The following GPC5 variants were observed in gnomAD, a reference collection of about 807,000 sequenced individuals.
GPC5 encodes the protein glypican-5.
In GPC5, 47 loss-of-function variants were observed where a neutral mutation model predicts 53.9. The ratio of observed to expected loss-of-function variants is 0.87; its 90% CI spans 0.69 to 1.11. The LOEUF (loss-of-function observed/expected upper bound fraction) is 1.11. Among genes scored for constraint, GPC5 ranks in the 50% most tolerant of loss-of-function variants. The probability of loss-of-function intolerance (pLI) is 0.00; values close to 1 mark genes in which losing one functional copy is unlikely to be tolerated. For synonymous variants in GPC5, 286 were observed against 263.3 expected (o/e 1.09, Z -0.84); for missense variants, 748 against 713.1 (o/e 1.05, Z -0.56).
At chr13:91,629,071 T>C (rs1249432210) in intron 2 of GPC5, among the ~76,000 whole-genome samples, 1 of 152,174 alleles carries the variant, frequency 6.6e-6, no homozygotes, top group Non-Finnish European at 1.5e-5. Context: ...TTCTGCCACA[T>C]GGAAGGAGCT....
At chr13:91,445,010 A>G (rs1880686543) in intron 1 of GPC5, among the ~76,000 whole-genome samples, 1 of 152,188 alleles carries the variant, frequency 6.6e-6, no homozygotes, top group Non-Finnish European at 1.5e-5. Flanking sequence ...CATCTTAACT[A>G]AGGACTTACG....
At chr13:91,680,425 G>C (rs907640207) in intron 2 of GPC5, among the ~76,000 whole-genome samples, 2 of 152,124 alleles carry the variant, frequency 1.3e-5, no homozygotes, top group African/African-American at 4.8e-5. Flanking sequence ...CTCCAGCCTG[G>C]GCGACAGAGC....
chr13:92,714,734 C>T (rs977205823), intron 7 of GPC5, among the ~76,000 whole-genome samples: 3 of 152,112 alleles, frequency 2.0e-5, no homozygotes, highest in Non-Finnish European at 4.4e-5. Context: ...CATATAACAA[C>T]TGTTTTCCTA....
At chr13:92,754,270 A>G (rs1270142415) in intron 7 of GPC5, among the ~76,000 whole-genome samples, 1 of 152,210 alleles carries the variant, frequency 6.6e-6, no homozygotes, top group African/African-American at 2.4e-5. Flanking sequence ...TTTACAGACA[A>G]GCAAATGCTG....
In GPC5 at chr13:92,071,419, TA is replaced by T. The variant is rs568873225; in HGVS notation, c.1402-73407del. Among the ~76,000 whole-genome samples the T allele has an allele frequency of 9.8e-5, 15 of 152,288 alleles. No individual in the cohort carries two copies. In the South Asian group the frequency reaches 3.1e-3, roughly 32 times the overall value. On this transcript the variant is annotated intron_variant, in intron 6 of 7. Transcript: ENST00000377067. Reference sequence around the variant, plus strand: ...ATCTATATTTTCTTCCAAAATTTTTTAAAAGCAAAAGATCTCTTGTTCTATA... The same window carrying T: ...ATCTATATTTTCTTCCAAAATTTTTTAAAGCAAAAGATCTCTTGTTCTATA...
intron 6 of GPC5, among the ~76,000 whole-genome samples, chr13:91,974,147 C>A (rs1455575835): frequency 6.6e-6 from 1 of 152,132 alleles, no homozygotes; most frequent in African/African-American, 2.4e-5. Flanking sequence ...CTATGACAAA[C>A]CCACAGCCAA....
intron 2 of GPC5, among the ~76,000 whole-genome samples, chr13:91,526,960 G>A (rs1465502228): frequency 1.3e-5 from 2 of 152,084 alleles, no homozygotes; most frequent in African/African-American, 2.4e-5. Context: ...CTGCCACCAT[G>A]AGCCAATCAC....
At chr13:92,144,777 C>T (rs1367178144) in intron 6 of GPC5, 53 bp from the exon 7 acceptor site, 2 of 1,530,640 alleles carry the variant, frequency 1.3e-6, no homozygotes, top group East Asian at 4.6e-5. Flanking sequence ...GAATAGAATT[C>T]TTATGTTATT....
intron 7 of GPC5, among the ~76,000 whole-genome samples, chr13:92,555,632 T>C (rs1322259247): frequency 1.3e-5 from 2 of 150,170 alleles, no homozygotes; most frequent in Non-Finnish European, 3.0e-5. Flanking sequence ...AGTAAATGCA[T>C]GTAATTTATT....
In GPC5 at chr13:91,481,755, C is replaced by T. The variant is rs557583350; in HGVS notation, c.325+32833C>T. Among the ~76,000 whole-genome samples the T allele has an allele frequency of 1.3e-4, 20 of 152,250 alleles. No individual in the cohort carries two copies. In the East Asian group the frequency reaches 3.9e-3, roughly 29 times the overall value. On this transcript the variant is annotated intron_variant, in intron 2 of 7. Coordinates refer to ENST00000377067, the MANE Select transcript of GPC5 (RefSeq NM_004466.6). The stretch of plus-strand genomic sequence containing the variant: ...GTGGCAGTCTGGGTTGAATGGTCAC[C>T]TAATGTCTCATCCAGCATTGGAACC...
chr13:91,636,235 A>G (rs1467096085), intron 2 of GPC5, among the ~76,000 whole-genome samples: 1 of 152,082 alleles, frequency 6.6e-6, no homozygotes, highest in Non-Finnish European at 1.5e-5. Flanking sequence ...TCTGATTTTA[A>G]TGAAATGGCA....
At chr13:91,754,269 T>C (rs1465991114) in intron 4 of GPC5, among the ~76,000 whole-genome samples, 1 of 152,082 alleles carries the variant, frequency 6.6e-6, no homozygotes, top group African/African-American at 2.4e-5. Context: ...ATATCAAATT[T>C]GAATTTTAGA....
intron 7 of GPC5, among the ~76,000 whole-genome samples, chr13:92,349,898 C>T (rs1252478950): frequency 2.0e-5 from 3 of 152,094 alleles, no homozygotes; most frequent in African/African-American, 7.2e-5. Flanking sequence ...GTCACCATTA[C>T]CCTGATACCA....
intron 2 of GPC5, among the ~76,000 whole-genome samples, chr13:91,602,860 T>G (rs897211019): frequency 6.6e-6 from 1 of 152,196 alleles, no homozygotes; most frequent in Non-Finnish European, 1.5e-5. Context: ...GTTAGAATTG[T>G]CAAAAGGATA....
chr13:92,461,145 A>G (rs1407977920), intron 7 of GPC5, among the ~76,000 whole-genome samples: 7 of 152,208 alleles, frequency 4.6e-5, no homozygotes, highest in Admixed American at 3.3e-4. Flanking sequence ...GAAACTAAAT[A>G]AGAAGTATTC....
chr13:92,395,141 T>G (rs1484887207), intron 7 of GPC5, among the ~76,000 whole-genome samples: 1 of 152,314 alleles, frequency 6.6e-6, no homozygotes, highest in East Asian at 1.9e-4. Flanking sequence ...TCATTTAATA[T>G]CTAACATATT....
At chr13:92,228,743 C>T (rs1453085346) in intron 7 of GPC5, among the ~76,000 whole-genome samples, 1 of 152,000 alleles carries the variant, frequency 6.6e-6, no homozygotes, top group Non-Finnish European at 1.5e-5. Flanking sequence ...AGAGACTATG[C>T]ATACATACAC....
intron 7 of GPC5, among the ~76,000 whole-genome samples, chr13:92,487,839 G>GT (rs1197921838): frequency 2.0e-5 from 2 of 97,674 alleles, no homozygotes; most frequent in African/African-American, 9.3e-5. Flanking sequence ...TATAAATATA[G>GT]TAAAAAAAAA....
chr13:92,692,752 C>CTCTTTTTTTTTTTTTTTTTT (rs1457273874), intron 7 of GPC5, among the ~76,000 whole-genome samples: 1 of 61,292 alleles, frequency 1.6e-5, no homozygotes, highest in Non-Finnish European at 3.0e-5. Flanking sequence ...CCAATATCGG[C>CTCTTTTTTTTTTTTTTTTTT]TATTTTTTTT....
Sources: gnomAD v4.1 joint callset for allele counts (sites outside exome capture counted in the v4.1 genomes callset) on GRCh38, gnomAD v4.1.1 for gene constraint, MANE v1.5 for transcripts, NCBI Gene and HGNC (gene_info 2026-07-23, HGNC 2026-07-21) for gene names.